The following SCARF2 variants were observed in gnomAD, a reference collection of about 807,000 sequenced individuals.
SCARF2 encodes scavenger receptor class F member 2.
SCARF2 carries 39 observed loss-of-function variants against 73.4 expected under a neutral mutation model. The ratio of observed to expected loss-of-function variants is 0.53; its 90% CI spans 0.41 to 0.69. The LOEUF (loss-of-function observed/expected upper bound fraction) is 0.69, where lower values mean the gene tolerates loss of function less well. SCARF2 is among the 30% of genes least tolerant of loss of function. The probability of loss-of-function intolerance (pLI) is 0.00; values close to 1 mark genes in which losing one functional copy is unlikely to be tolerated. For missense variants in SCARF2, 1,148 were observed against 1,303.5 expected (o/e 0.88, Z 1.84); for synonymous variants, 605 against 590.0 (o/e 1.03, Z -0.37).
chr22:20,429,407 C>A lies in SCARF2; in HGVS notation c.1425-67G>T, dbSNP rs1425681919. ...GGGCCCAGGGGCGATTAGATCTCGG[C>A]CGGAGCCAAGCACAGAAGGGGCGGG... On this transcript the variant is annotated intron_variant, in intron 8 of 10. Transcript: ENST00000622235. The surrounding 1 kb of genome is among the most constrained non-coding windows in gnomAD (Gnocchi z 5.2). 1.3e-6 allele frequency: 2 copies of A among 1,555,598 alleles called. No individual in the cohort carries two copies. The highest frequency in any genetic ancestry group is 1.7e-6 in the Non-Finnish European group (2 of 1,151,382).
intron 1 of SCARF2, among the ~76,000 whole-genome samples, chr22:20,434,613 C>T (rs572498176): frequency 6.6e-6 from 1 of 152,318 alleles, no homozygotes; most frequent in East Asian, 1.9e-4. Context: ...CTTACAAAGA[C>T]GGGTGGGGAA....
rs372466217 is a variant in SCARF2, at chr22:20,429,494, C to A, written c.1424+42G>T. On this transcript the variant is annotated intron_variant, in intron 8 of 10. Transcript: ENST00000622235. This position sits in a 1 kb window ranked among gnomAD's most constrained non-coding sequence, Gnocchi z 5.2. ...TGGGTCCGGTGGCACCCAGAGGGTG[C>A]GGCCTGAACCCAGGCGAAAGCGGGG... 21 of 1,605,868 alleles carry A rather than the reference C, an allele frequency of 1.3e-5. No homozygotes were observed. Among genetic ancestry groups the A allele is most frequent in the Non-Finnish European group, 1.7e-5 (20 of 1,177,642 alleles).
At position 20,431,391 on chromosome 22, in the gene SCARF2, C is replaced by G; in HGVS notation, c.481G>C (p.Gly161Arg). 6.5e-7 allele frequency: 1 copy of G among 1,529,678 alleles called. No homozygotes were observed. Among genetic ancestry groups the G allele is most frequent in the Non-Finnish European group, 8.7e-7 (1 of 1,144,092 alleles). 94.8% of individuals were successfully genotyped at this position (1,529,678 alleles called of 1,614,324 possible). The change falls in exon 4 of 11, where the codon GGC becomes CGC. Residue 161 changes from glycine to arginine, a missense_variant. Around this residue, in one of 5 missense-constraint regions of SCARF2, gnomAD observed 372 missense variants for 532.0 expected, o/e 0.70. Transcript: ENST00000622235. ...RCEHACQCQHGTCHPRSGACR... is the reference protein window; with the variant it reads ...RCEHACQCQHRTCHPRSGACR... The stretch of plus-strand genomic sequence containing the variant: ...GCGCCGCTCCGCGGGTGGCACGTGC[C>G]GTGCTGGCACTGGCACGCATGCTCG...
chr22:20,437,563 C>G lies in SCARF2; in HGVS notation c.173+19G>C, dbSNP rs775370953. On this transcript the variant is annotated intron_variant, in intron 1 of 10. Transcript: ENST00000622235. ...AGAGCGTCCCTCTCGCCCCCTCCCC[C>G]AGCCAGGCCGGCTCCTACCCGGGAG... 14 of 1,566,768 alleles carry G rather than the reference C, an allele frequency of 8.9e-6. No homozygotes were observed. In the East Asian group the frequency reaches 2.8e-4, roughly 32 times the overall value.
At position 20,431,227 on chromosome 22, in the gene SCARF2, G is replaced by A; in HGVS notation, c.645C>T (p.Cys215=). ...GCTCGCAGGGAGACGAGTTGCAGGC[G>A]CACTGGTTGTTGCAGCTGCGGCCCC... ...GWWGRSCNNQ[C]ACNSSPCEQQ... is the part of the protein sequence containing the mutation. The change falls in exon 4 of 11, where the codon TGC becomes TGT. Residue 215 remains cysteine, a synonymous_variant. Transcript: ENST00000622235. The A allele has an allele frequency of 6.4e-7, 1 of 1,559,868 alleles. No individual in the cohort carries two copies. Among genetic ancestry groups the A allele is most frequent in the Non-Finnish European group, 8.6e-7 (1 of 1,161,222 alleles).
chr22:20,431,610 C>T, intron 3 of SCARF2, 73 bp from the exon 4 acceptor site: 1 of 1,543,344 alleles, frequency 6.5e-7, no homozygotes, highest in Non-Finnish European at 8.7e-7. Flanking sequence ...CGGAACCTGC[C>T]CGCGTCCCGC....
At position 20,425,378 on chromosome 22, in the gene SCARF2, C is replaced by G. The variant is rs1284506655; in HGVS notation, c.2598G>C (p.Leu866=). ...CGCGCGGACGAGCCACAGCCTGCTA[C>G]AGGGTGGGTGCGCCCGCCCTGCCCA... ...GELGRAGAPT[L] The change falls in exon 11 of 11, where the codon CTG becomes CTC. Residue 866 remains leucine (L), a synonymous_variant. Coordinates refer to ENST00000622235, the MANE Select transcript of SCARF2 (RefSeq NM_182895.5). The surrounding 1 kb of genome is among the most constrained non-coding windows in gnomAD (Gnocchi z 4.6). The G allele has an allele frequency of 1.4e-6, 2 of 1,423,024 alleles. No homozygotes were observed. Among genetic ancestry groups the G allele is most frequent in the Non-Finnish European group, 1.8e-6 (2 of 1,084,870 alleles). 88.1% of individuals were successfully genotyped at this position (1,423,024 alleles called of 1,614,324 possible).
At chr22:20,430,384 G>T in intron 6 of SCARF2, 45 bp downstream of exon 6, 4 of 1,561,522 alleles carry the variant, frequency 2.6e-6, no homozygotes, top group Non-Finnish European at 3.5e-6. Flanking sequence ...CCCCCTCTGT[G>T]GCAGGTACAA....
Position 20,426,078 on chromosome 22 carries a change from GGCCGGGCCT to G in SCARF2, c.1889_1897del (p.Glu630_Pro633delinsAla). 1 of 1,535,260 alleles carries G rather than the reference GGCCGGGCCT, an allele frequency of 6.5e-7. No individual in the cohort carries two copies. The highest frequency in any genetic ancestry group is 8.7e-7 in the Non-Finnish European group (1 of 1,151,726). Reference sequence around the variant, plus strand: ...CCCAATCTCGCCCCGGGCCCGGGCCGGCCGGGCCTCGCGTCGGGCCACGCGCGCGTACAG... The same window carrying G: ...CCCAATCTCGCCCCGGGCCCGGGCCGCGCGTCGGGCCACGCGCGCGTACAG... On this transcript the variant is annotated inframe_deletion, in exon 11 of 11. Coordinates refer to ENST00000622235, the MANE Select transcript of SCARF2 (RefSeq NM_182895.5).
At chr22:20,435,096 G>A (rs1177292492) in intron 1 of SCARF2, among the ~76,000 whole-genome samples, 1 of 152,172 alleles carries the variant, frequency 6.6e-6, no homozygotes, top group Non-Finnish European at 1.5e-5. Flanking sequence ...GAGACCTCAT[G>A]GGCCTCATGC....
At position 20,431,947 on chromosome 22, in the gene SCARF2, C is replaced by T. The variant is rs1183311614; in HGVS notation, c.215G>A (p.Gly72Glu). The part of the protein sequence containing the change: ...PTCCAGWRQQ[G>E]DECGIAVCEG... The stretch of plus-strand genomic sequence containing the variant: ...CCACTCACCAATCCCACACTCGTCC[C>T]CTTGCTGCCTCCAGCCAGCGCAGCA... Residue 72 changes from glycine (G) to glutamate (E), a missense_variant, in exon 2 of 11, where the codon GGG becomes GAG. This residue lies in a region of SCARF2 where 124 missense variants were observed against 120.4 expected (regional missense o/e 1.03). Transcript: ENST00000622235. 6.2e-7 allele frequency: 1 copy of T among 1,611,280 alleles called. No homozygotes were observed. The highest frequency in any genetic ancestry group is 8.5e-7 in the Non-Finnish European group (1 of 1,179,540).
intron 6 of SCARF2, 148 bp downstream of exon 6, chr22:20,430,281 A>G (rs1261157212): frequency 6.9e-6 from 7 of 1,012,408 alleles, no homozygotes; most frequent in Non-Finnish European, 9.9e-6. Flanking sequence ...AACTGCCCCC[A>G]AAGAGCCTAC....
At chr22:20,436,415 G>A (rs943601842) in intron 1 of SCARF2, among the ~76,000 whole-genome samples, 11 of 152,092 alleles carry the variant, frequency 7.2e-5, no homozygotes, top group African/African-American at 2.4e-4. Context: ...GCATTCCTGG[G>A]GCCGGGGAGG....
At chr22:20,435,221 A>T (rs1022152097) in intron 1 of SCARF2, among the ~76,000 whole-genome samples, 3 of 151,876 alleles carry the variant, frequency 2.0e-5, no homozygotes, top group Non-Finnish European at 4.4e-5. Context: ...AGCATCTCTG[A>T]CTCTTCTTTC....
rs531115226 is a variant in SCARF2, at chr22:20,425,012, A to G, written c.*363T>C. 1.1e-4 allele frequency: 24 copies of G among 215,938 alleles called. No homozygotes were observed. The highest frequency in any genetic ancestry group is 1.8e-4 in the South Asian group (1 of 5,416). The allele number at this position is 215,938 out of a possible 1,614,324, so 13.4% of individuals were successfully genotyped here. A position where few individuals can be genotyped will look rare whatever the true frequency, so the allele number is the denominator to read the frequency against. Reference sequence around the variant, plus strand: ...GCAGAAGTGCCTCTGGCTGCAACCAATGAGAAGGTAGCCCTAACCAAGTCC... The same window carrying G: ...GCAGAAGTGCCTCTGGCTGCAACCAGTGAGAAGGTAGCCCTAACCAAGTCC... On this transcript the variant is annotated 3_prime_UTR_variant, in exon 11 of 11. Transcript: ENST00000622235. This position sits in a 1 kb window ranked among gnomAD's most constrained non-coding sequence, Gnocchi z 4.6.
Position 20,430,750 on chromosome 22 carries a change from T to C in SCARF2, c.1013A>G (p.His338Arg). The C allele has an allele frequency of 6.2e-7, 1 of 1,608,092 alleles. No individual in the cohort carries two copies. The highest frequency in any genetic ancestry group is 1.3e-5 in the African/African-American group (1 of 74,974). The change falls in exon 5 of 11, where the codon CAT (histidine) becomes CGT (arginine). Residue 338 changes from histidine to arginine, a missense_variant. Around this residue, in one of 5 missense-constraint regions of SCARF2, gnomAD observed 372 missense variants for 532.0 expected, o/e 0.70. Coordinates refer to ENST00000622235, the MANE Select transcript of SCARF2 (RefSeq NM_182895.5). Reference protein sequence around the residue: ...SHRCPPCRDGHACNHVTGKCT... With the variant: ...SHRCPPCRDGRACNHVTGKCT... ...CTTGCCGGTGACATGGTTACAGGCA[T>C]GCCCGTCGCGGCATGGCGGACAGCG...
chr22:20,425,509 C>T lies in SCARF2; in HGVS notation c.2467G>A (p.Gly823Arg). 1.5e-6 allele frequency: 2 copies of T among 1,358,214 alleles called. No homozygotes were observed. Among genetic ancestry groups the T allele is most frequent in the Non-Finnish European group, 1.9e-6 (2 of 1,057,114 alleles). 84.1% of individuals were successfully genotyped at this position (1,358,214 alleles called of 1,614,324 possible). A position where few individuals can be genotyped will look rare whatever the true frequency, so the allele number is the denominator to read the frequency against. ...AAGTCGGTCGCCGCCTTCTCAGGCC[C>T]CGGGGTTTCGGTCGCTGGGGGCGCG... Reference protein sequence around the residue: ...ARAPPATETPGPEKAATDLPA... With the variant: ...ARAPPATETPRPEKAATDLPA... The change falls in exon 11 of 11, where the codon GGG becomes AGG. Residue 823 changes from glycine to arginine, a missense_variant. Transcript: ENST00000622235. The surrounding 1 kb of genome is among the most constrained non-coding windows in gnomAD (Gnocchi z 4.6).
At position 20,424,655 on chromosome 22, in the gene SCARF2, G is replaced by A. The variant is rs976371725; in HGVS notation, c.*720C>T. Among the ~76,000 whole-genome samples the A allele has an allele frequency of 1.3e-5, 2 of 152,244 alleles. No homozygotes were observed. Among genetic ancestry groups the A allele is most frequent in the Non-Finnish European group, 2.9e-5 (2 of 68,032 alleles). ...CGGGAGGAGCCCATCCTGGGGCACC[G>A]GCCGAGGGGGGAGCAGCCCTGCTGG... On this transcript the variant is annotated 3_prime_UTR_variant, in exon 11 of 11. Coordinates refer to ENST00000622235, the MANE Select transcript of SCARF2 (RefSeq NM_182895.5).
At position 20,426,266 on chromosome 22, in the gene SCARF2, G is replaced by A. The variant is rs760760186; in HGVS notation, c.1710C>T (p.Ser570=). The change falls in exon 11 of 11, where the codon AGC becomes AGT. Residue 570 remains serine (S), a synonymous_variant. Transcript: ENST00000622235. ...CVPHEEAPAE[S]RDPEVPTVPA... is the part of the protein sequence containing the mutation. ...GGACAGTGGGGACTTCGGGGTCCCG[G>A]CTCTCCGCTGGTGCCTCTGGCAAGG... The A allele has an allele frequency of 1.3e-6, 2 of 1,534,298 alleles. No homozygotes were observed. Among genetic ancestry groups the A allele is most frequent in the African/African-American group, 1.4e-5 (1 of 73,138 alleles).
Sources: gnomAD v4.1 joint callset for allele counts (sites outside exome capture counted in the v4.1 genomes callset) on GRCh38, gnomAD v4.1.1 for gene constraint, gnomAD v4.1.1 regional missense constraint, Gnocchi (gnomAD v3.1) non-coding constraint, MANE v1.5 for transcripts, NCBI Gene and HGNC (gene_info 2026-07-23, HGNC 2026-07-21) for gene names.